Variants in SLC35D4 observed in about 807,000 individuals in gnomAD.
SLC35D4 encodes the protein UDP-N-acetylglucosamine transporter SLC35D4.
At chr18:23,399,467 A>T in the SLC35D4 span, 1 of 1,075,674 alleles carries the variant, frequency 9.3e-7, no homozygotes, top group Non-Finnish European at 1.4e-6. Context: ...TATCATTATT[A>T]AAGTGATTCT....
the SLC35D4 span, among the ~76,000 whole-genome samples, chr18:23,349,089 C>T: frequency 2.0e-5 from 3 of 152,200 alleles, no homozygotes; most frequent in Non-Finnish European, 2.9e-5. Flanking sequence ...CCTCTTGCCA[C>T]TTTTAAGATT....
At chr18:23,335,199 A>G in the SLC35D4 span, among the ~76,000 whole-genome samples, 7 of 152,354 alleles carry the variant, frequency 4.6e-5, no homozygotes, top group Admixed American at 4.6e-4. Context: ...AGATGTCTCT[A>G]AGGCACAATG....
the SLC35D4 span, chr18:23,437,919 C>T: frequency 4.6e-6 from 7 of 1,529,812 alleles, no homozygotes; most frequent in African/African-American, 6.9e-5. Context: ...CCGCCCGACC[C>T]CCGCAGCAGC....
chr18:23,375,313 A>G, the SLC35D4 span, among the ~76,000 whole-genome samples: 1 of 152,028 alleles, frequency 6.6e-6, no homozygotes, highest in African/African-American at 2.4e-5. Flanking sequence ...TTTAGTATTT[A>G]GAAGTGGAGT....
chr18:23,358,452 G>GAA, the SLC35D4 span, among the ~76,000 whole-genome samples: 5 of 149,904 alleles, frequency 3.3e-5, no homozygotes, highest in African/African-American at 7.4e-5. Flanking sequence ...AAGAAAGAAA[G>GAA]AAAAAAAAAC....
At chr18:23,405,067 G>A in the SLC35D4 span, among the ~76,000 whole-genome samples, 4 of 149,786 alleles carry the variant, frequency 2.7e-5, no homozygotes, top group East Asian at 1.9e-4. Flanking sequence ...AAGTGAGGAT[G>A]CAGATGGAAG....
At chr18:23,294,244 T>A in the SLC35D4 span, among the ~76,000 whole-genome samples, 1 of 152,076 alleles carries the variant, frequency 6.6e-6, no homozygotes. Flanking sequence ...CCAGCAAGGA[T>A]TAAGGTCATC....
At chr18:23,343,344 C>T in the SLC35D4 span, among the ~76,000 whole-genome samples, 2 of 151,744 alleles carry the variant, frequency 1.3e-5, no homozygotes, top group African/African-American at 2.4e-5. Context: ...TGGGTTCAAG[C>T]GATTCTCCTG....
At chr18:23,258,935 C>T in the SLC35D4 span, 1 of 150,870 alleles carries the variant, frequency 6.6e-6, no homozygotes. Flanking sequence ...TGAGTTTAGT[C>T]CTAAATATTT....
At chr18:23,291,833 G>C in the SLC35D4 span, among the ~76,000 whole-genome samples, 1 of 152,272 alleles carries the variant, frequency 6.6e-6, no homozygotes, top group African/African-American at 2.4e-5. Flanking sequence ...GAATACCACT[G>C]GGATGGAGGT....
the SLC35D4 span, among the ~76,000 whole-genome samples, chr18:23,435,050 C>T: frequency 1.3e-5 from 2 of 149,098 alleles, no homozygotes; most frequent in African/African-American, 5.0e-5. Flanking sequence ...CCCAGCTACT[C>T]GGGAGGCTGA....
At chr18:23,410,312 C>T in the SLC35D4 span, among the ~76,000 whole-genome samples, 14 of 151,654 alleles carry the variant, frequency 9.2e-5, no homozygotes, top group Non-Finnish European at 7.4e-5. Context: ...CCTATCTCTA[C>T]TAAAAATACA....
chr18:23,354,239 A>C, the SLC35D4 span, among the ~76,000 whole-genome samples: 2 of 151,046 alleles, frequency 1.3e-5, no homozygotes, highest in Non-Finnish European at 2.9e-5. Context: ...CGGTGGCTCA[A>C]GCCTGTAATC....
At chr18:23,318,148 A>C in the SLC35D4 span, among the ~76,000 whole-genome samples, 2 of 152,206 alleles carry the variant, frequency 1.3e-5, no homozygotes, top group Non-Finnish European at 2.9e-5. Flanking sequence ...GTGTGAAGGG[A>C]TACCTCACTG....
chr18:23,360,421 T>C, the SLC35D4 span, among the ~76,000 whole-genome samples: 1 of 152,232 alleles, frequency 6.6e-6, no homozygotes, highest in Admixed American at 6.5e-5. Flanking sequence ...ACGTGGTATA[T>C]GCATACAATG....
the SLC35D4 span, among the ~76,000 whole-genome samples, chr18:23,386,477 C>A: frequency 6.6e-6 from 1 of 152,100 alleles, no homozygotes; most frequent in Non-Finnish European, 1.5e-5. Flanking sequence ...CCGGGCCCAG[C>A]CCTGCCCACA....
the SLC35D4 span, among the ~76,000 whole-genome samples, chr18:23,273,073 C>T: frequency 5.9e-5 from 9 of 152,250 alleles, no homozygotes; most frequent in South Asian, 1.0e-3. Flanking sequence ...GTGCTAATGA[C>T]GGGAGGAGAG....
the SLC35D4 span, among the ~76,000 whole-genome samples, chr18:23,334,969 C>T: frequency 6.6e-6 from 1 of 151,572 alleles, no homozygotes; most frequent in Non-Finnish European, 1.5e-5. Flanking sequence ...CGCGCCACTG[C>T]ACTCCAGCCT....
At chr18:23,374,890 A>G in the SLC35D4 span, among the ~76,000 whole-genome samples, 1 of 152,118 alleles carries the variant, frequency 6.6e-6, no homozygotes. Context: ...CAAGGCGGGC[A>G]GACCACTTGA....
Sources: gnomAD v4.1 joint callset for allele counts (sites outside exome capture counted in the v4.1 genomes callset) on GRCh38, gnomAD v4.1.1 for gene constraint, MANE v1.5 for transcripts, NCBI Gene and HGNC (gene_info 2026-07-23, HGNC 2026-07-21) for gene names.